The following ZMIZ1 variants were observed in gnomAD, a reference collection of about 807,000 sequenced individuals.
The protein encoded by ZMIZ1 is zinc finger MIZ domain-containing protein 1.
A neutral mutation model predicts 113.9 loss-of-function variants in ZMIZ1; 17 were observed. The ratio of observed to expected loss-of-function variants is 0.15; its 90% confidence interval spans 0.10 to 0.22. The LOEUF (loss-of-function observed/expected upper bound fraction) is 0.22, where lower values mean the gene tolerates loss of function less well. Ranked by LOEUF, ZMIZ1 falls within the 10% of genes least tolerant of loss-of-function variation. The pLI, the probability that ZMIZ1 is intolerant of heterozygous loss-of-function variation, is 1.00. For missense variants in ZMIZ1, 1,059 were observed against 1,477.8 expected (o/e 0.72, Z 4.65); for synonymous variants, 607 against 603.1 (o/e 1.01, Z -0.09).
At chr10:79,173,301 CT>C (rs1216273957) in intron 4 of ZMIZ1, among the ~76,000 whole-genome samples, 1 of 152,024 alleles carries the variant, frequency 6.6e-6, no homozygotes, top group Non-Finnish European at 1.5e-5. Flanking sequence ...GAACTTTTTT[CT>C]TTTTTTTAGC....
chr10:79,140,460 C>G (rs566885558), intron 3 of ZMIZ1, among the ~76,000 whole-genome samples: 2 of 152,218 alleles, frequency 1.3e-5, no homozygotes. Context: ...TTACTTCGAC[C>G]GTACTGCACT....
intron 10 of ZMIZ1, 38 bp from the exon 11 acceptor site, chr10:79,292,120 A>G (rs1853534426): frequency 6.4e-7 from 1 of 1,569,088 alleles, no homozygotes; most frequent in African/African-American, 1.4e-5. Context: ...CCTCAGATGC[A>G]GGCAGTACCT....
At chr10:79,169,040 A>G (rs547292642) in intron 4 of ZMIZ1, among the ~76,000 whole-genome samples, 5 of 152,292 alleles carry the variant, frequency 3.3e-5, no homozygotes, top group Admixed American at 1.3e-4. Flanking sequence ...GGGACCGTCT[A>G]CCGCTCCCCT....
At chr10:79,244,180 C>A (rs1850053711) in intron 7 of ZMIZ1, among the ~76,000 whole-genome samples, 1 of 152,234 alleles carries the variant, frequency 6.6e-6, no homozygotes, top group South Asian at 2.1e-4. Context: ...CGCGTAGAGA[C>A]CCCACGGGCA....
At chr10:79,092,563 A>G (rs552208651) in intron 1 of ZMIZ1, among the ~76,000 whole-genome samples, 1 of 152,384 alleles carries the variant, frequency 6.6e-6, no homozygotes, top group African/African-American at 2.4e-5. Flanking sequence ...CTGTTGTCAC[A>G]GTAGCATCGC....
At chr10:79,247,540 G>A (rs1850282498) in intron 7 of ZMIZ1, among the ~76,000 whole-genome samples, 1 of 151,974 alleles carries the variant, frequency 6.6e-6, no homozygotes, top group African/African-American at 2.4e-5. Flanking sequence ...AGTAGCCCCA[G>A]CCATGGCCCT....
At chr10:79,146,866 T>G (rs1047647671) in intron 3 of ZMIZ1, among the ~76,000 whole-genome samples, 1 of 152,174 alleles carries the variant, frequency 6.6e-6, no homozygotes, top group Non-Finnish European at 1.5e-5. Context: ...GGGCAGCCGG[T>G]CACTTGTCCT....
At chr10:79,173,211 C>T (rs1296947626) in intron 4 of ZMIZ1, among the ~76,000 whole-genome samples, 1 of 152,178 alleles carries the variant, frequency 6.6e-6, no homozygotes, top group East Asian at 1.9e-4. Flanking sequence ...ACCCATGGGC[C>T]ACACGTGGCT....
chr10:79,124,290 G>A (rs1844421927), intron 2 of ZMIZ1, among the ~76,000 whole-genome samples: 1 of 152,122 alleles, frequency 6.6e-6, no homozygotes, highest in Non-Finnish European at 1.5e-5. Flanking sequence ...AGTCTTCAAG[G>A]GTGTCAACAA....
chr10:79,214,003 G>A (rs1267679972), intron 6 of ZMIZ1, among the ~76,000 whole-genome samples: 3 of 152,132 alleles, frequency 2.0e-5, no homozygotes, highest in South Asian at 2.1e-4. Flanking sequence ...TGCACCAGTC[G>A]AAACAGGCCG....
At chr10:79,106,364 C>G (rs142375837) in intron 1 of ZMIZ1, among the ~76,000 whole-genome samples, 1 of 152,352 alleles carries the variant, frequency 6.6e-6, no homozygotes, top group African/African-American at 2.4e-5. Context: ...GAGTGCTATA[C>G]AGAATAGCAA....
At chr10:79,226,918 A>G (rs910905532) in intron 7 of ZMIZ1, among the ~76,000 whole-genome samples, 1 of 152,186 alleles carries the variant, frequency 6.6e-6, no homozygotes, top group Admixed American at 6.5e-5. Flanking sequence ...TCATGATGCA[A>G]CCAACATTAA....
intron 9 of ZMIZ1, 77 bp from the exon 10 acceptor site, chr10:79,290,882 C>T (rs1482743549): frequency 2.0e-6 from 3 of 1,536,594 alleles, no homozygotes; most frequent in South Asian, 1.1e-5. Context: ...TCTCCCTTTC[C>T]CCTCTTCATT....
chr10:79,226,055 C>T (rs951043714), intron 7 of ZMIZ1, among the ~76,000 whole-genome samples: 10 of 152,342 alleles, frequency 6.6e-5, no homozygotes, highest in African/African-American at 2.2e-4. Context: ...ATGCAATACA[C>T]GCAGTCCCTT....
intron 3 of ZMIZ1, among the ~76,000 whole-genome samples, chr10:79,141,968 A>C (rs1589327447): frequency 1.3e-5 from 2 of 152,288 alleles, no homozygotes; most frequent in East Asian, 3.9e-4. Flanking sequence ...TAGTGGAGGA[A>C]GAGGTGGGAA....
chr10:79,315,611 TC>T lies in ZMIZ1; in HGVS notation c.*2864del, dbSNP rs1855483847. 2 of 152,800 alleles carry T rather than the reference TC, an allele frequency of 1.3e-5. No homozygotes were observed. The highest frequency in any genetic ancestry group is 1.3e-4 in the Admixed American group (2 of 15,286). The allele number at this position is 152,800 out of a possible 1,614,324, so 9.5% of individuals were successfully genotyped here. ...TTGAAGCTTTATCCATGTATCATGT[TC>T]CGTGTAGCCATTTTATTTTTTAAGA... On this transcript the variant is annotated 3_prime_UTR_variant, in exon 25 of 25. Coordinates refer to ENST00000334512, the MANE Select transcript of ZMIZ1 (RefSeq NM_020338.4).
intron 2 of ZMIZ1, among the ~76,000 whole-genome samples, chr10:79,121,870 C>T (rs1192741448): frequency 6.6e-6 from 1 of 152,132 alleles, no homozygotes; most frequent in Non-Finnish European, 1.5e-5. Context: ...CACCAAAGTC[C>T]CAGAAAAGTG....
At chr10:79,240,274 A>G (rs1849763930) in intron 7 of ZMIZ1, among the ~76,000 whole-genome samples, 1 of 152,178 alleles carries the variant, frequency 6.6e-6, no homozygotes, top group Non-Finnish European at 1.5e-5. Context: ...AGTGCCTGTG[A>G]GCTGAGGTGG....
chr10:79,242,381 G>A (rs1229413662), intron 7 of ZMIZ1, among the ~76,000 whole-genome samples: 1 of 152,120 alleles, frequency 6.6e-6, no homozygotes, highest in Non-Finnish European at 1.5e-5. Flanking sequence ...GCGTACGTGC[G>A]CGTGTTCACC....
Sources: gnomAD v4.1 joint callset for allele counts (sites outside exome capture counted in the v4.1 genomes callset) on GRCh38, gnomAD v4.1.1 for gene constraint, MANE v1.5 for transcripts, NCBI Gene and HGNC (gene_info 2026-07-23, HGNC 2026-07-21) for gene names.